The following FTO variants were observed in gnomAD, a reference collection of about 807,000 sequenced individuals.
FTO encodes alpha-ketoglutarate-dependent dioxygenase FTO.
FTO carries 47 observed loss-of-function variants against 63.9 expected under a neutral mutation model. The ratio of observed to expected loss-of-function variants is 0.74; its 90% CI spans 0.58 to 0.94. FTO has a LOEUF of 0.94. Among genes scored for constraint, FTO ranks in the 40% least tolerant of loss-of-function variants. FTO has a pLI of 0.00. For synonymous variants in FTO, 207 were observed against 224.4 expected, an observed-to-expected ratio of 0.92 and a Z score of 0.69; for missense variants, 562 against 618.1, an observed-to-expected ratio of 0.91 and a Z score of 0.96.
At chr16:53,706,920 C>A (rs2151454304) in intron 1 of FTO, among the ~76,000 whole-genome samples, 1 of 152,290 alleles carries the variant, frequency 6.6e-6, no homozygotes, top group Admixed American at 6.5e-5. Context: ...TCAAAAAAAG[C>A]TGCTATGACC....
chr16:53,950,165 A>AAAAAAAAC (rs1466821255), intron 8 of FTO, among the ~76,000 whole-genome samples: 14 of 147,092 alleles, frequency 9.5e-5, no homozygotes, highest in African/African-American at 3.2e-4. Flanking sequence ...TAAAAAAAAA[A>AAAAAAAAC]AAAAAAAAAA....
chr16:53,748,749 CTATTTTATTTTAT>C (rs1009201864), intron 1 of FTO, among the ~76,000 whole-genome samples: 4 of 151,572 alleles, frequency 2.6e-5, no homozygotes, highest in African/African-American at 4.9e-5. Context: ...TGGCCTGTAG[CTATTTTATTTTAT>C]TATTTTATTT....
chr16:53,969,716 C>A (rs1425872362), intron 8 of FTO, among the ~76,000 whole-genome samples: 1 of 152,184 alleles, frequency 6.6e-6, no homozygotes, highest in African/African-American at 2.4e-5. Flanking sequence ...AAGAAAAATG[C>A]AAACATCTGC....
At chr16:53,709,720 G>A (rs964616901) in intron 1 of FTO, among the ~76,000 whole-genome samples, 6 of 152,144 alleles carry the variant, frequency 3.9e-5, no homozygotes, top group African/African-American at 1.2e-4. Flanking sequence ...ATATTCACAG[G>A]TTAACATCTT....
chr16:53,710,296 C>T (rs568037957), intron 1 of FTO, among the ~76,000 whole-genome samples: 7 of 142,428 alleles, frequency 4.9e-5, no homozygotes, highest in Middle Eastern at 4.0e-3. Context: ...GACCAAGTCT[C>T]GCTCTGTTGC....
chr16:53,763,608 G>A (rs2077123186), intron 1 of FTO, among the ~76,000 whole-genome samples: 1 of 152,134 alleles, frequency 6.6e-6, no homozygotes, highest in South Asian at 2.1e-4. Flanking sequence ...TGATTACATT[G>A]ACCCTATGAT....
At chr16:54,082,065 C>T (rs572866085) in intron 8 of FTO, among the ~76,000 whole-genome samples, 1 of 152,256 alleles carries the variant, frequency 6.6e-6, no homozygotes, top group African/African-American at 2.4e-5. Flanking sequence ...TGCCCCACAC[C>T]CTGTTTATCT....
intron 1 of FTO, among the ~76,000 whole-genome samples, chr16:53,767,887 G>A (rs1274208482): frequency 6.6e-6 from 1 of 152,132 alleles, no homozygotes; most frequent in Non-Finnish European, 1.5e-5. Context: ...ATTGTAATAA[G>A]ATTAATATAT....
chr16:53,836,026 G>T (rs1291578270), intron 3 of FTO, among the ~76,000 whole-genome samples: 2 of 152,038 alleles, frequency 1.3e-5, no homozygotes, highest in Non-Finnish European at 2.9e-5. Flanking sequence ...GAGTAGCTGG[G>T]ATTACAGGCG....
At chr16:53,836,139 C>T (rs1013244108) in intron 3 of FTO, among the ~76,000 whole-genome samples, 1 of 152,192 alleles carries the variant, frequency 6.6e-6, no homozygotes. Context: ...GATCTGCCCG[C>T]CTCAGCTTCC....
chr16:53,820,825 G>A (rs957180377), intron 2 of FTO, among the ~76,000 whole-genome samples: 2 of 152,164 alleles, frequency 1.3e-5, no homozygotes, highest in African/African-American at 4.8e-5. Context: ...ACCCAGGGAT[G>A]GGAAGGACCA....
At chr16:54,016,685 A>G (rs919888311) in intron 8 of FTO, among the ~76,000 whole-genome samples, 12 of 152,170 alleles carry the variant, frequency 7.9e-5, no homozygotes, top group African/African-American at 2.7e-4. Context: ...TTTGTGCCCA[A>G]CGAAGTGGGA....
intron 8 of FTO, 45 bp downstream of exon 8, chr16:53,934,154 G>T: frequency 6.2e-7 from 1 of 1,611,472 alleles, no homozygotes; most frequent in South Asian, 1.1e-5. Context: ...TGACAAACAA[G>T]AACTATATTT....
chr16:53,786,707 A>T (rs752777043), intron 1 of FTO, among the ~76,000 whole-genome samples: 4 of 152,190 alleles, frequency 2.6e-5, no homozygotes, highest in Non-Finnish European at 5.9e-5. Context: ...ACTGAAATGC[A>T]AATAGCTGGT....
At chr16:53,838,399 C>T (rs1224768184) in intron 3 of FTO, among the ~76,000 whole-genome samples, 1 of 152,106 alleles carries the variant, frequency 6.6e-6, no homozygotes, top group Non-Finnish European at 1.5e-5. Flanking sequence ...CAACCTCTGC[C>T]TCCCAGGTTC....
intron 8 of FTO, among the ~76,000 whole-genome samples, chr16:54,022,312 G>C (rs182598945): frequency 2.0e-3 from 308 of 152,124 alleles, no homozygotes; most frequent in Non-Finnish European, 3.5e-3. Context: ...GATTGGTTAC[G>C]GTAGTATTAA....
chr16:53,775,830 G>GT (rs1330103945), intron 1 of FTO, among the ~76,000 whole-genome samples: 1 of 152,044 alleles, frequency 6.6e-6, no homozygotes, highest in Non-Finnish European at 1.5e-5. Flanking sequence ...TAGGCACAGA[G>GT]TTTTTTTCTC....
chr16:53,976,972 A>G (rs988644123), intron 8 of FTO, among the ~76,000 whole-genome samples: 2 of 152,054 alleles, frequency 1.3e-5, no homozygotes, highest in Admixed American at 6.6e-5. Context: ...TCTCTCTCCA[A>G]TGTACTTTTG....
intron 7 of FTO, among the ~76,000 whole-genome samples, chr16:53,900,202 AT>A (rs1218265954): frequency 1.3e-5 from 2 of 151,340 alleles, no homozygotes; most frequent in East Asian, 3.9e-4. Context: ...CTGTCTTTTA[AT>A]TTTTTTTTCT....
Sources: allele counts gnomAD v4.1 joint callset (sites outside exome capture counted in the v4.1 genomes callset), GRCh38; gene constraint gnomAD v4.1.1; transcripts MANE v1.5; gene names NCBI Gene and HGNC (gene_info 2026-07-23, HGNC 2026-07-21).